Variants in CNTN4 observed in about 807,000 individuals in gnomAD.
The protein encoded by CNTN4 is contactin-4.
A neutral mutation model predicts 122.5 loss-of-function variants in CNTN4; 77 were observed. The ratio of observed to expected loss-of-function variants is 0.63; its 90% CI spans 0.52 to 0.76. The LOEUF (loss-of-function observed/expected upper bound fraction) is 0.76. Ranked by LOEUF, CNTN4 falls within the 30% of genes least tolerant of loss-of-function variation. CNTN4 has a pLI of 0.00. For synonymous variants in CNTN4, 512 were observed against 447.0 expected, an observed-to-expected ratio of 1.15 and a Z score of -1.83; for missense variants, 1,256 against 1,259.1, an observed-to-expected ratio of 1.00 and a Z score of 0.04.
At chr3:2,967,464 G>T in intron 13 of CNTN4, among the ~76,000 whole-genome samples, 1 of 152,206 alleles carries the variant, frequency 6.6e-6, no homozygotes, top group East Asian at 1.9e-4. Context: ...AATTAGCTGG[G>T]GTCTAATCCC....
At position 2,636,924 on chromosome 3, in the gene CNTN4, G is replaced by GTT. The variant is rs57301957; in HGVS notation, c.55+65379_55+65380dup. ...TCTTTTCCTCTTTCTTTCTTTCTTT[G>GTT]TTTTTTTTTTTTTTGGTTTTTTTTT... On this transcript the variant is annotated intron_variant, in intron 4 of 24. Coordinates refer to ENST00000418658, the MANE Select transcript of CNTN4 (RefSeq NM_175607.3). Among the ~76,000 whole-genome samples, 104 of 98,542 alleles carry GTT rather than the reference G, an allele frequency of 1.1e-3. 1 individual carries two copies. Among genetic ancestry groups the GTT allele is most frequent in the Non-Finnish European group, 1.6e-3 (78 of 49,512 alleles). 64.6% of individuals were successfully genotyped at this position (98,542 alleles called of 152,430 possible).
chr3:2,147,386 A>T (rs1190552642), intron 2 of CNTN4, among the ~76,000 whole-genome samples: 1 of 152,222 alleles, frequency 6.6e-6, no homozygotes. Context: ...TAGCAAAAAA[A>T]AAAATTTGCA....
intron 3 of CNTN4, among the ~76,000 whole-genome samples, chr3:2,388,944 G>A (rs1373642068): frequency 6.6e-6 from 1 of 152,004 alleles, no homozygotes; most frequent in African/African-American, 2.4e-5. Flanking sequence ...GATCACCTAA[G>A]GTCAGGAGTT....
chr3:2,631,252 A>G (rs6770875), intron 4 of CNTN4, among the ~76,000 whole-genome samples: 68,816 of 151,962 alleles, frequency 0.45, 15,878 homozygotes, highest in East Asian at 0.69. Flanking sequence ...ATGATGGGTT[A>G]TTGTGATGAA....
At chr3:2,584,229 A>G (rs551781117) in intron 4 of CNTN4, among the ~76,000 whole-genome samples, 19 of 152,294 alleles carry the variant, frequency 1.2e-4, no homozygotes, top group South Asian at 1.0e-3. Context: ...TTTACCTTCA[A>G]TGGGTCCTAA....
At chr3:2,296,345 T>A (rs2042310739) in intron 2 of CNTN4, among the ~76,000 whole-genome samples, 1 of 152,208 alleles carries the variant, frequency 6.6e-6, no homozygotes, top group Non-Finnish European at 1.5e-5. Flanking sequence ...GTATCTCTTT[T>A]ATTTCATTGA....
chr3:2,813,149 A>T (rs1260902012), intron 6 of CNTN4, among the ~76,000 whole-genome samples: 4 of 152,164 alleles, frequency 2.6e-5, no homozygotes, highest in Non-Finnish European at 4.4e-5. Flanking sequence ...ATAACTTTAA[A>T]TTTGCTGCAT....
intron 2 of CNTN4, among the ~76,000 whole-genome samples, chr3:2,132,745 C>T (rs2034510780): frequency 6.6e-6 from 1 of 152,120 alleles, no homozygotes; most frequent in African/African-American, 2.4e-5. Context: ...GGGGTTTTCT[C>T]TAATAAGATT....
intron 6 of CNTN4, among the ~76,000 whole-genome samples, chr3:2,805,757 A>C (rs1022235368): frequency 1.3e-5 from 2 of 152,094 alleles, no homozygotes; most frequent in Admixed American, 1.3e-4. Context: ...TTTATCCCGG[A>C]AGCTAAACTG....
At chr3:2,339,141 AATGT>A (rs1386986921) in intron 2 of CNTN4, 33 bp from the exon 3 acceptor site, 1 of 152,156 alleles carries the variant, frequency 6.6e-6, no homozygotes, top group African/African-American at 2.4e-5. Context: ...TGCTTGAAAA[AATGT>A]ATTTATTTGT....
chr3:2,811,329 A>G (rs2092602909), intron 6 of CNTN4, among the ~76,000 whole-genome samples: 2 of 148,526 alleles, frequency 1.3e-5, no homozygotes, highest in African/African-American at 5.0e-5. Flanking sequence ...AATCACTTAA[A>G]CCCAAGAGGC....
chr3:2,999,373 A>T (rs771297496), intron 14 of CNTN4, among the ~76,000 whole-genome samples: 1 of 152,170 alleles, frequency 6.6e-6, no homozygotes, highest in Non-Finnish European at 1.5e-5. Flanking sequence ...GGATTGTTTC[A>T]CATGTTTCAC....
chr3:2,640,472 G>A (rs1354639373), intron 4 of CNTN4, among the ~76,000 whole-genome samples: 1 of 152,168 alleles, frequency 6.6e-6, no homozygotes, highest in Non-Finnish European at 1.5e-5. Flanking sequence ...TTGATGGAAA[G>A]AATACGATAA....
chr3:2,675,233 A>T (rs1224724647), intron 4 of CNTN4, among the ~76,000 whole-genome samples: 1 of 150,770 alleles, frequency 6.6e-6, no homozygotes, highest in Non-Finnish European at 1.5e-5. Flanking sequence ...TCCTCACCTT[A>T]TCTCCTTCCA....
intron 4 of CNTN4, among the ~76,000 whole-genome samples, chr3:2,648,596 G>A (rs969120266): frequency 4.6e-5 from 7 of 152,100 alleles, no homozygotes; most frequent in Non-Finnish European, 7.4e-5. Flanking sequence ...CCCACTGGCT[G>A]GCCTCTCCCC....
chr3:2,561,464 C>A (rs2078950305), intron 3 of CNTN4, among the ~76,000 whole-genome samples: 1 of 152,086 alleles, frequency 6.6e-6, no homozygotes, highest in African/African-American at 2.4e-5. Flanking sequence ...ATCCGCTCTC[C>A]TCCAGTGCTC....
chr3:2,593,892 AGC>A (rs2080626569), intron 4 of CNTN4, among the ~76,000 whole-genome samples: 1 of 152,152 alleles, frequency 6.6e-6, no homozygotes, highest in Non-Finnish European at 1.5e-5. Flanking sequence ...GTTAGTTCCA[AGC>A]AGTTATATTT....
intron 3 of CNTN4, among the ~76,000 whole-genome samples, chr3:2,435,411 T>C (rs1351044417): frequency 6.6e-6 from 1 of 152,122 alleles, no homozygotes; most frequent in Non-Finnish European, 1.5e-5. Flanking sequence ...TGTTGTACCA[T>C]TTAGGGAATA....
chr3:2,369,614 A>G (rs1415027822), intron 3 of CNTN4, among the ~76,000 whole-genome samples: 1 of 152,098 alleles, frequency 6.6e-6, no homozygotes, highest in East Asian at 1.9e-4. Flanking sequence ...TCAGGATTTG[A>G]GCCCATGCAG....
Sources: gnomAD v4.1 joint callset for allele counts (sites outside exome capture counted in the v4.1 genomes callset) on GRCh38, gnomAD v4.1.1 for gene constraint, MANE v1.5 for transcripts, NCBI Gene and HGNC (gene_info 2026-07-23, HGNC 2026-07-21) for gene names.